The following SLC35D2 variants were observed in gnomAD, a reference collection of about 807,000 sequenced individuals.
SLC35D2 encodes nucleotide sugar transporter SLC35D2.
Under a neutral mutation model 41.8 loss-of-function variants are expected in SLC35D2, and 43 were observed. The observed-to-expected ratio is 1.03, with a 90% CI of 0.81 to 1.33. The LOEUF (loss-of-function observed/expected upper bound fraction) is 1.33. SLC35D2 is among the 40% of genes most tolerant of loss of function. The pLI is 0.00. For missense variants in SLC35D2, 380 were observed against 408.4 expected (o/e 0.93, Z 0.60); for synonymous variants, 150 against 163.9 (o/e 0.92, Z 0.65).
At chr9:96,349,689 C>T (rs767453784) in intron 6 of SLC35D2, among the ~76,000 whole-genome samples, 1 of 152,130 alleles carries the variant, frequency 6.6e-6, no homozygotes, top group Non-Finnish European at 1.5e-5. Context: ...CCACACCTGG[C>T]TAATTTTTGT....
At chr9:96,316,470 G>A (rs1828055239), downstream of SLC35D2, among the ~76,000 whole-genome samples, 1 of 146,074 alleles carries the variant, frequency 6.8e-6, no homozygotes, top group South Asian at 2.2e-4. Context: ...GGGCAAGACA[G>A]CAAGACTCCA....
chr9:96,342,078 A>G (rs937765053), intron 8 of SLC35D2, among the ~76,000 whole-genome samples: 2 of 151,716 alleles, frequency 1.3e-5, no homozygotes, highest in Non-Finnish European at 2.9e-5. Flanking sequence ...CTCTAGGACC[A>G]CTTCATTAAG....
intron 10 of SLC35D2, among the ~76,000 whole-genome samples, chr9:96,323,740 C>T (rs1386804674): frequency 1.3e-5 from 2 of 152,034 alleles, no homozygotes; most frequent in African/African-American, 4.8e-5. Context: ...GCCTGGCCAA[C>T]ATGGTGAAAC....
downstream of SLC35D2, among the ~76,000 whole-genome samples, chr9:96,317,033 G>A (rs958492075): frequency 2.0e-5 from 3 of 152,040 alleles, no homozygotes; most frequent in African/African-American, 7.2e-5. Flanking sequence ...AGCTACTGGG[G>A]AGGCTGAGGC....
intron 10 of SLC35D2, among the ~76,000 whole-genome samples, chr9:96,322,827 T>C (rs986130330): frequency 2.0e-5 from 3 of 148,030 alleles, no homozygotes; most frequent in African/African-American, 7.5e-5. Context: ...CAAGAGATTC[T>C]CCAGTCCAGC....
exon 12 of SLC35D2, chr9:96,314,755 A>G (rs1208795492): frequency 6.6e-6 from 1 of 152,282 alleles, no homozygotes; most frequent in Non-Finnish European, 1.5e-5. Flanking sequence ...TACAAATTAA[A>G]TTTTTAAAAA....
chr9:96,321,843 G>C (rs1252441244), intron 11 of SLC35D2, among the ~76,000 whole-genome samples, 155 bp downstream of exon 11: 1 of 152,198 alleles, frequency 6.6e-6, no homozygotes, highest in Non-Finnish European at 1.5e-5. Context: ...GATGAACCCA[G>C]TGATGAAGTA....
At chr9:96,331,759 T>A (rs924580660) in intron 9 of SLC35D2, among the ~76,000 whole-genome samples, 18 of 152,284 alleles carry the variant, frequency 1.2e-4, no homozygotes, top group Middle Eastern at 3.4e-3. Flanking sequence ...GGAACCCAGG[T>A]GCACAGCAAA....
At chr9:96,328,831 C>T (rs1273379957) in intron 9 of SLC35D2, among the ~76,000 whole-genome samples, 1 of 152,064 alleles carries the variant, frequency 6.6e-6, no homozygotes, top group Non-Finnish European at 1.5e-5. Context: ...CAAAGAATTC[C>T]AAGGAACCCC....
At chr9:96,317,868 CAAAA>C (rs34659411), downstream of SLC35D2, among the ~76,000 whole-genome samples, 1 of 99,430 alleles carries the variant, frequency 1.0e-5, no homozygotes, top group African/African-American at 3.0e-5. Flanking sequence ...ACCAAAAATA[CAAAA>C]AAAAAAAAAA....
At chr9:96,334,863 A>G (rs1246171960) in intron 9 of SLC35D2, among the ~76,000 whole-genome samples, 1 of 152,218 alleles carries the variant, frequency 6.6e-6, no homozygotes, top group African/African-American at 2.4e-5. Context: ...AGAGTATTCT[A>G]AATGAACAGA....
chr9:96,349,284 G>A (rs145750308), intron 6 of SLC35D2, among the ~76,000 whole-genome samples: 60 of 152,234 alleles, frequency 3.9e-4, no homozygotes, highest in Middle Eastern at 3.4e-3. Context: ...TGCCTCTCGG[G>A]TGCAAATTCC....
chr9:96,346,358 T>G (rs2130917608), intron 6 of SLC35D2, among the ~76,000 whole-genome samples: 1 of 151,908 alleles, frequency 6.6e-6, no homozygotes, highest in East Asian at 1.9e-4. Flanking sequence ...AGAAAGTAAC[T>G]AGGAAACCTA....
At chr9:96,378,407 G>C (rs899348997) in intron 1 of SLC35D2, among the ~76,000 whole-genome samples, 45 of 151,720 alleles carry the variant, frequency 3.0e-4, no homozygotes, top group African/African-American at 1.1e-3. Flanking sequence ...CAGCCTGGGT[G>C]ACAGAGTAAG....
chr9:96,371,718 C>CTTT (rs774105070), intron 1 of SLC35D2, among the ~76,000 whole-genome samples: 30 of 90,570 alleles, frequency 3.3e-4, no homozygotes, highest in African/African-American at 4.6e-4. Flanking sequence ...AACTAAATTT[C>CTTT]TTTTTTTTTT....
intron 4 of SLC35D2, among the ~76,000 whole-genome samples, chr9:96,356,290 C>A (rs1279311914): frequency 6.6e-6 from 1 of 152,170 alleles, no homozygotes; most frequent in Non-Finnish European, 1.5e-5. Flanking sequence ...TCATAAATTA[C>A]CCAGCCTCAG....
At chr9:96,324,037 T>C in intron 10 of SLC35D2, 54 bp downstream of exon 10, 1 of 1,482,994 alleles carries the variant, frequency 6.7e-7, no homozygotes, top group Admixed American at 1.7e-5. Context: ...CATGGAATAT[T>C]TGGATTTCCA....
chr9:96,316,695 C>T (rs566400212), downstream of SLC35D2, among the ~76,000 whole-genome samples: 4 of 152,270 alleles, frequency 2.6e-5, no homozygotes, highest in South Asian at 2.1e-4. Context: ...ATCCTGGTGA[C>T]GACTTTGGCC....
intron 4 of SLC35D2, among the ~76,000 whole-genome samples, chr9:96,356,509 C>T (rs56815155): frequency 0.11 from 15,945 of 147,040 alleles, 1,317 homozygotes; most frequent in East Asian, 0.28. Flanking sequence ...CTTATGCTTT[C>T]CAATTTCAAA....
Sources: gnomAD v4.1 joint callset for allele counts (sites outside exome capture counted in the v4.1 genomes callset) on GRCh38, gnomAD v4.1.1 for gene constraint, MANE v1.5 for transcripts, NCBI Gene and HGNC (gene_info 2026-07-23, HGNC 2026-07-21) for gene names.